FLNC: variants seen among roughly 807,000 people sequenced by gnomAD.
The protein encoded by FLNC is filamin C.
Under a neutral mutation model 254.3 loss-of-function variants are expected in FLNC, and 91 were observed. The ratio of observed to expected loss-of-function variants is 0.36; its 90% CI spans 0.30 to 0.43. FLNC has a LOEUF of 0.43. Among genes scored for constraint, FLNC ranks in the 20% least tolerant of loss-of-function variants. The probability of loss-of-function intolerance (pLI) is 1.00; values close to 1 mark genes in which losing one functional copy is unlikely to be tolerated. For synonymous variants in FLNC, 1,430 were observed against 1,577.2 expected, an observed-to-expected ratio of 0.91 and a Z score of 2.21; for missense variants, 2,853 against 3,802.6, an observed-to-expected ratio of 0.75 and a Z score of 6.57.
chr7:128,854,611 T>A lies in FLNC; in HGVS notation c.6926T>A (p.Leu2309Gln). ...GSPFQFTVGP[L>Q]GEGGAHKVRA... The stretch of plus-strand genomic sequence containing the variant: ...CCCTTTCAGTTCACTGTGGGGCCGC[T>A]GGGTGAAGGTGGTGCCCACAAGGTG... Residue 2309 changes from leucine (L) to glutamine (Q), a missense_variant, in exon 41 of 48, where the codon CTG becomes CAG. Coordinates refer to ENST00000325888, the MANE Select transcript of FLNC (RefSeq NM_001458.5). 6.2e-7 allele frequency: 1 copy of A among 1,611,810 alleles called. No individual in the cohort carries two copies. Among genetic ancestry groups the A allele is most frequent in the Non-Finnish European group, 8.5e-7 (1 of 1,179,316 alleles).
In FLNC at chr7:128,844,954, G is replaced by C. The variant is rs369853278; in HGVS notation, c.3489G>C (p.Pro1163=). The C allele has an allele frequency of 6.1e-4, 981 of 1,613,746 alleles. 4 individuals are homozygous for C. The highest frequency in any genetic ancestry group is 7.7e-4 in the Non-Finnish European group (903 of 1,180,022). ...FDPSKVRASG[P]GLERGKVGEA... ...CGAGCAAGGTGCGGGCCAGTGGACC[G>C]GGCCTGGAGCGCGGCAAGGTCGGTG... The change falls in exon 21 of 48, where the codon CCG becomes CCC. Residue 1163 remains proline, a synonymous_variant. Transcript: ENST00000325888.
intron 1 of FLNC, among the ~76,000 whole-genome samples, chr7:128,834,318 C>CCG (rs1429758402): frequency 6.8e-6 from 1 of 147,816 alleles, no homozygotes; most frequent in Non-Finnish European, 1.5e-5. Flanking sequence ...GGCGCCCCCC[C>CCG]CCCCCAAATC....
In FLNC at chr7:128,852,698, C is replaced by T; in HGVS notation, c.5950C>T (p.Pro1984Ser). Residue 1984 changes from proline to serine, a missense_variant, in exon 36 of 48, where the codon CCC (proline) becomes TCC (serine). Pro to Ser is a moderately conservative substitution (Grantham distance 74). Coordinates refer to ENST00000325888, the MANE Select transcript of FLNC (RefSeq NM_001458.5). ...CCAGCTGACCGCCAGCATCCGTGCC[C>T]CCTCGGGCAACGAGGAGCCCTGCCT... ...LSQLTASIRA[P>S]SGNEEPCLLK... 6.2e-7 allele frequency: 1 copy of T among 1,613,308 alleles called. No individual in the cohort carries two copies. The highest frequency in any genetic ancestry group is 1.1e-5 in the South Asian group (1 of 91,080).
In FLNC at chr7:128,842,353, C is replaced by T. The variant is rs752145129; in HGVS notation, c.2244C>T (p.Asn748=). 40 of 1,613,440 alleles carry T rather than the reference C, an allele frequency of 2.5e-5. No individual in the cohort carries two copies. Among genetic ancestry groups the T allele is most frequent in the Non-Finnish European group, 3.1e-5 (37 of 1,179,976 alleles). The change falls in exon 14 of 48, where the codon AAC becomes AAT. Residue 748 remains asparagine (N), a synonymous_variant. Transcript: ENST00000325888. The surrounding 1 kb of genome is among the most constrained non-coding windows in gnomAD (Gnocchi z 5.4). ...TCATCATCTCCTGGGGAGGCGTAAA[C>T]GTGCCCAAGAGCCCCTTCCGGGTGC... ...HTIIISWGGV[N]VPKSPFRVNV...
At chr7:128,832,568 C>G (rs1432922489) in intron 1 of FLNC, among the ~76,000 whole-genome samples, 1 of 152,252 alleles carries the variant, frequency 6.6e-6, no homozygotes, top group Non-Finnish European at 1.5e-5. Flanking sequence ...CTCGTCCTTC[C>G]TGAGCACACC....
At chr7:128,839,240 G>A (rs993289796) in intron 8 of FLNC, among the ~76,000 whole-genome samples, 12 of 152,134 alleles carry the variant, frequency 7.9e-5, no homozygotes, top group Admixed American at 2.6e-4. Context: ...GTGTGGAATC[G>A]CCCCCCCTTC....
In FLNC at chr7:128,857,170, G is replaced by T. The variant is rs180834558; in HGVS notation, c.7614G>T (p.Leu2538Phe). The T allele has an allele frequency of 3.7e-4, 602 of 1,614,120 alleles. 6 individuals carry two copies. In the East Asian group the frequency reaches 0.013, roughly 34 times the overall value. The part of the protein sequence containing the change: ...VNTLNAGSGA[L>F]SVTIDGPSKV... ...CCCTGAATGCCGGCTCGGGGGCCTT[G>T]TCTGTCACCATTGATGGCCCCTCCA... The change falls in exon 46 of 48, where the codon TTG becomes TTT. Residue 2538 changes from leucine to phenylalanine, a missense_variant. Around this residue, in one of 10 missense-constraint regions of FLNC, gnomAD observed 197 missense variants for 351.5 expected, o/e 0.56. Transcript: ENST00000325888. The surrounding 1 kb of genome is among the most constrained non-coding windows in gnomAD (Gnocchi z 4.5).
At chr7:128,843,096 G>C in intron 16 of FLNC, 133 bp from the exon 17 acceptor site, 1 of 1,369,372 alleles carries the variant, frequency 7.3e-7, no homozygotes, top group Middle Eastern at 2.1e-4. Context: ...TGCCTCAGAG[G>C]AAGCAAAGGG....
intron 25 of FLNC, 23 bp from the exon 26 acceptor site, chr7:128,847,922 C>A: frequency 6.2e-7 from 1 of 1,613,762 alleles, no homozygotes; most frequent in Non-Finnish European, 8.5e-7. Context: ...GGAGGCTCTG[C>A]TGACCCTGTG....
Position 128,838,194 on chromosome 7 carries a change from C to T in FLNC, c.1048-73C>T, listed in dbSNP as rs933592809. The stretch of plus-strand genomic sequence containing the variant: ...GCTGCCCGCCTCTCACCCTCCTTGG[C>T]CTGGCTGTGCCCCTCTGCCCCCTCT... On this transcript the variant is annotated intron_variant, in intron 6 of 47. Transcript: ENST00000325888. 5.2e-6 allele frequency: 8 copies of T among 1,544,552 alleles called. No individual in the cohort carries two copies. The African/African-American group carries it at 9.5e-5, about 18-fold the overall frequency.
Position 128,830,648 on chromosome 7 carries a change from A to G in FLNC, c.11A>G (p.Asn4Ser). Reference sequence around the variant, plus strand: ...CCAGCCCGCGCCAGCATGATGAACAACAGCGGCTACTCAGACGCCGGCCTC... The same window carrying G: ...CCAGCCCGCGCCAGCATGATGAACAGCAGCGGCTACTCAGACGCCGGCCTC... MMN[N>S]SGYSDAGLGL... The change falls in exon 1 of 48, where the codon AAC becomes AGC. Residue 4 changes from asparagine (N) to serine (S), a missense_variant. Coordinates refer to ENST00000325888, the MANE Select transcript of FLNC (RefSeq NM_001458.5). 1.2e-6 allele frequency: 2 copies of G among 1,612,056 alleles called. No individual in the cohort carries two copies. The highest frequency in any genetic ancestry group is 1.7e-6 in the Non-Finnish European group (2 of 1,179,690).
chr7:128,849,270 G>A (rs896740076), intron 29 of FLNC, 61 bp from the exon 30 acceptor site: 22 of 1,614,008 alleles, frequency 1.4e-5, no homozygotes, highest in Admixed American at 6.7e-5. Context: ...GGCGGGCAGC[G>A]GGAACAGAGA....
chr7:128,857,090 C>T lies in FLNC; in HGVS notation c.7562-28C>T. 6.2e-7 allele frequency: 1 copy of T among 1,608,672 alleles called. No individual in the cohort carries two copies. Among genetic ancestry groups the T allele is most frequent in the Non-Finnish European group, 8.5e-7 (1 of 1,175,298 alleles). The stretch of plus-strand genomic sequence containing the variant: ...CTCTTGGGCCACAAGCCCTTCCTGC[C>T]CTCAGCCTTGCTACCTCTGGCCCCC... On this transcript the variant is annotated intron_variant, in intron 45 of 47. Coordinates refer to ENST00000325888, the MANE Select transcript of FLNC (RefSeq NM_001458.5). The surrounding 1 kb of genome is among the most constrained non-coding windows in gnomAD (Gnocchi z 4.5).
chr7:128,856,980 G>T lies in FLNC; in HGVS notation c.7561+59G>T. Reference sequence around the variant, plus strand: ...CTGGGGGTGCTTGGCCACTAGTCTGGTGCTGCTTTGCTCCAGAGGTAGGGG... The same window carrying T: ...CTGGGGGTGCTTGGCCACTAGTCTGTTGCTGCTTTGCTCCAGAGGTAGGGG... On this transcript the variant is annotated intron_variant, in intron 45 of 47. Transcript: ENST00000325888. The surrounding 1 kb of genome is among the most constrained non-coding windows in gnomAD (Gnocchi z 5.9). The T allele has an allele frequency of 6.3e-7, 1 of 1,596,594 alleles. No individual in the cohort carries two copies. The highest frequency in any genetic ancestry group is 8.6e-7 in the Non-Finnish European group (1 of 1,166,080).
rs760926290 is a variant in FLNC, at chr7:128,844,164, C to T, written c.3090C>T (p.Pro1030=). 4.0e-5 allele frequency: 64 copies of T among 1,613,784 alleles called. No homozygotes were observed. The Admixed American group carries it at 4.2e-4, about 11-fold the overall frequency. The change falls in exon 20 of 48, where the codon CCC becomes CCT. Residue 1030 remains proline (P), a synonymous_variant. Transcript: ENST00000325888. ...AAGCCCAGGCTGTGCGCTACATGCC[C>T]CCGGAGGAGGGGCCCTACAAGGTGG... ...GAEAQAVRYM[P]PEEGPYKVDI...
At chr7:128,846,222 C>T (rs1202920457) in intron 22 of FLNC, 59 bp downstream of exon 22, 2 of 1,498,482 alleles carry the variant, frequency 1.3e-6, no homozygotes, top group African/African-American at 3.4e-5. Flanking sequence ...GGGCCGGGAT[C>T]TGATGATATT....
At chr7:128,838,203 G>T in intron 6 of FLNC, 64 bp from the exon 7 acceptor site, 3 of 1,560,500 alleles carry the variant, frequency 1.9e-6, no homozygotes, top group Non-Finnish European at 2.7e-6. Flanking sequence ...GCCTGGCTGT[G>T]CCCCTCTGCC....
chr7:128,847,785 C>T lies in FLNC; in HGVS notation c.4377C>T (p.Ala1459=). The change falls in exon 25 of 48, where the codon GCC becomes GCT. Residue 1459 remains alanine (A), a synonymous_variant. Coordinates refer to ENST00000325888, the MANE Select transcript of FLNC (RefSeq NM_001458.5). ...SGPGLGAGVR[A]RVPQTFTVDC... Reference sequence around the variant, plus strand: ...CAGGGCTGGGGGCTGGTGTCAGGGCCCGGGTTCCTCAGACCTTCACAGTGG... The same window carrying T: ...CAGGGCTGGGGGCTGGTGTCAGGGCTCGGGTTCCTCAGACCTTCACAGTGG... 1 of 1,613,772 alleles carries T rather than the reference C, an allele frequency of 6.2e-7. No homozygotes were observed. The highest frequency in any genetic ancestry group is 8.5e-7 in the Non-Finnish European group (1 of 1,179,772).
chr7:128,851,021 A>G lies in FLNC; in HGVS notation c.5539+78A>G. ...GCTTCAGTCCTGCCTTCCCTCTTTC[A>G]ACAAATATTTATTGAGCACCCGCTG... On this transcript the variant is annotated intron_variant, in intron 33 of 47. Coordinates refer to ENST00000325888, the MANE Select transcript of FLNC (RefSeq NM_001458.5). 5.7e-6 allele frequency: 9 copies of G among 1,582,590 alleles called. No homozygotes were observed. The Middle Eastern group carries it at 6.7e-4, about 117-fold the overall frequency.
Sources: allele counts gnomAD v4.1 joint callset (sites outside exome capture counted in the v4.1 genomes callset), GRCh38; gene constraint gnomAD v4.1.1; regional missense constraint gnomAD v4.1.1; non-coding constraint Gnocchi (gnomAD v3.1); transcripts MANE v1.5; gene names NCBI Gene and HGNC (gene_info 2026-07-23, HGNC 2026-07-21).